PROSER2: variants seen among roughly 807,000 people sequenced by gnomAD.
The protein encoded by PROSER2 is proline and serine-rich protein 2.
A neutral mutation model predicts 14.6 loss-of-function variants in PROSER2; 18 were observed. That is an observed-to-expected ratio of 1.23 (90% CI 0.85 to 1.83). The LOEUF is 1.83. PROSER2 is among the 40% of genes most tolerant of loss of function. The pLI is 0.00. For missense variants in PROSER2, 823 were observed against 629.8 expected (o/e 1.31, Z -3.28); for synonymous variants, 367 against 286.4 (o/e 1.28, Z -2.84).
intron 2 of PROSER2, among the ~76,000 whole-genome samples, chr10:11,861,229 A>G (rs970528068): frequency 4.6e-5 from 7 of 152,102 alleles, no homozygotes; most frequent in Admixed American, 4.6e-4. Context: ...CAGTTCTTTC[A>G]GGTTATTGAC....
chr10:11,841,777 G>C (rs914347032), intron 1 of PROSER2, among the ~76,000 whole-genome samples: 1 of 152,180 alleles, frequency 6.6e-6, no homozygotes, highest in Non-Finnish European at 1.5e-5. Context: ...GCTGAGACTT[G>C]CTTTCTGACC....
At position 11,866,918 on chromosome 10, in the gene PROSER2, C is replaced by G; in HGVS notation, c.391+135C>G. On this transcript the variant is annotated intron_variant, in intron 3 of 3. Transcript: ENST00000277570. This position sits in a 1 kb window ranked among gnomAD's most constrained non-coding sequence, Gnocchi z 6.0. ...TACCAGATTTTTATAGGGGAAAATA[C>G]TCCTTGGCAGTTTCATCATCCAGCA... The G allele has an allele frequency of 2.8e-6, 3 of 1,059,000 alleles. No homozygotes were observed. Among genetic ancestry groups the G allele is most frequent in the Non-Finnish European group, 4.0e-6 (3 of 754,710 alleles). 65.6% of individuals were successfully genotyped at this position (1,059,000 alleles called of 1,614,324 possible). A position where few individuals can be genotyped will look rare whatever the true frequency, so the allele number is the denominator to read the frequency against.
At position 11,870,719 on chromosome 10, in the gene PROSER2, T is replaced by G. The variant is rs1347126945; in HGVS notation, c.*313T>G. ...GTTTCCGTGATGTGTAAATGCCATC[T>G]TTTGGGGGTTGGGAGGAGTAGGACT... is the stretch of plus-strand genomic sequence containing the variant. On this transcript the variant is annotated 3_prime_UTR_variant, in exon 4 of 4. Transcript: ENST00000277570. 3.3e-5 allele frequency: 9 copies of G among 276,324 alleles called. No individual in the cohort carries two copies. In the East Asian group the frequency reaches 6.4e-4, roughly 20 times the overall value. 17.1% of individuals were successfully genotyped at this position (276,324 alleles called of 1,614,324 possible). A position where few individuals can be genotyped will look rare whatever the true frequency, so the allele number is the denominator to read the frequency against.
Position 11,870,309 on chromosome 10 carries a change from C to G in PROSER2, c.1211C>G (p.Pro404Arg). ...DWRRADSLPR[P>R]QGITVQFAGR... Reference sequence around the variant, plus strand: ...CGCCGCGCAGACTCCCTGCCCCGGCCCCAGGGCATCACCGTGCAGTTCGCG... The same window carrying G: ...CGCCGCGCAGACTCCCTGCCCCGGCGCCAGGGCATCACCGTGCAGTTCGCG... Residue 404 changes from proline to arginine, a missense_variant, in exon 4 of 4, where the codon CCC (proline) becomes CGC (arginine). Physicochemically the swap from Pro to Arg is moderately radical, Grantham distance 103 (BLOSUM62 -2). Coordinates refer to ENST00000277570, the MANE Select transcript of PROSER2 (RefSeq NM_153256.4). 6.7e-7 allele frequency: 1 copy of G among 1,495,758 alleles called. No homozygotes were observed. The highest frequency in any genetic ancestry group is 8.9e-7 in the Non-Finnish European group (1 of 1,128,182). The allele number at this position is 1,495,758 out of a possible 1,614,324, so 92.7% of individuals were successfully genotyped here. A position where few individuals can be genotyped will look rare whatever the true frequency, so the allele number is the denominator to read the frequency against.
chr10:11,863,434 A>C (rs1056614950), intron 2 of PROSER2, among the ~76,000 whole-genome samples: 1 of 152,052 alleles, frequency 6.6e-6, no homozygotes, highest in African/African-American at 2.4e-5. Context: ...GCATCTCTGG[A>C]GGCTGAGGCA....
chr10:11,847,712 C>A (rs1833945169), intron 1 of PROSER2, among the ~76,000 whole-genome samples: 1 of 152,190 alleles, frequency 6.6e-6, no homozygotes, highest in Admixed American at 6.5e-5. Context: ...AGCCACCATG[C>A]CCAGCCCTTA....
chr10:11,849,687 AGTGAT>A (rs1833983356), intron 1 of PROSER2: 1 of 152,262 alleles, frequency 6.6e-6, no homozygotes, highest in Non-Finnish European at 1.5e-5. Context: ...GTAACAATTA[AGTGAT>A]GTTTCAAGAT....
chr10:11,840,280 A>G (rs1833818361), intron 1 of PROSER2, among the ~76,000 whole-genome samples: 1 of 147,970 alleles, frequency 6.8e-6, no homozygotes, highest in African/African-American at 2.5e-5. Context: ...AAAAAAAAAA[A>G]GAAAAACTCT....
chr10:11,867,973 A>AGTGTGTACAC (rs1432207812), intron 3 of PROSER2, among the ~76,000 whole-genome samples: 1 of 152,204 alleles, frequency 6.6e-6, no homozygotes. Flanking sequence ...CTAGAAATAA[A>AGTGTGTACAC]GTGTGTACAC....
intron 1 of PROSER2, among the ~76,000 whole-genome samples, chr10:11,842,706 T>G (rs950861565): frequency 6.6e-6 from 1 of 152,032 alleles, no homozygotes; most frequent in African/African-American, 2.4e-5. Context: ...ACTCGCTCTG[T>G]TTTTATTTAT....
At chr10:11,834,500 C>T (rs1395013587) in intron 1 of PROSER2, among the ~76,000 whole-genome samples, 9 of 151,624 alleles carry the variant, frequency 5.9e-5, no homozygotes, top group East Asian at 4.0e-4. Flanking sequence ...TTTGGGAGGC[C>T]GAGGCTGGTG....
intron 1 of PROSER2, among the ~76,000 whole-genome samples, chr10:11,827,066 T>G (rs1362749936): frequency 6.6e-6 from 1 of 151,820 alleles, no homozygotes; most frequent in Non-Finnish European, 1.5e-5. Flanking sequence ...TTGTGTTTTT[T>G]GTAGAGACTG....
At chr10:11,845,893 C>G (rs1377476194) in intron 1 of PROSER2, among the ~76,000 whole-genome samples, 1 of 152,234 alleles carries the variant, frequency 6.6e-6, no homozygotes, top group Non-Finnish European at 1.5e-5. Flanking sequence ...GACCCTCAGA[C>G]TGAAGCTATA....
rs2131039281 is a variant in PROSER2 at position 11,823,965 on chromosome 10, T to TCTGCC, written c.-82+497_-82+501dup. 6.6e-6 allele frequency among the ~76,000 whole-genome samples: 1 copy of TCTGCC among 151,604 alleles called. No homozygotes were observed. Among genetic ancestry groups the TCTGCC allele is most frequent in the South Asian group, 2.1e-4 (1 of 4,798 alleles). ...TGGAATCACGCGGGGATGTGCAGGGTCTGCCCAGCCCAGCGCGGCGGGAGG... is the reference window on the plus strand; with the variant it reads ...TGGAATCACGCGGGGATGTGCAGGGTCTGCCCTGCCCAGCCCAGCGCGGCGGGAGG... On this transcript the variant is annotated intron_variant, in intron 1 of 3. Coordinates refer to ENST00000277570, the MANE Select transcript of PROSER2 (RefSeq NM_153256.4). This position sits in a 1 kb window ranked among gnomAD's most constrained non-coding sequence, Gnocchi z 6.2.
chr10:11,824,928 C>T (rs1029058959), intron 1 of PROSER2, among the ~76,000 whole-genome samples: 8 of 152,172 alleles, frequency 5.3e-5, no homozygotes, highest in South Asian at 2.1e-4. Flanking sequence ...GGGGGAGTTG[C>T]CCATTAATTC....
intron 1 of PROSER2, among the ~76,000 whole-genome samples, chr10:11,827,529 C>A (rs183322123): frequency 6.6e-6 from 1 of 152,038 alleles, no homozygotes; most frequent in Non-Finnish European, 1.5e-5. Context: ...GTCTGACTTG[C>A]GCTTTGTCAT....
At chr10:11,825,774 C>T (rs117432791) in intron 1 of PROSER2, among the ~76,000 whole-genome samples, 13 of 152,182 alleles carry the variant, frequency 8.5e-5, no homozygotes, top group Non-Finnish European at 1.8e-4. Context: ...TCTGCCTTGT[C>T]GGACAGGGAT....
At chr10:11,864,591 T>C (rs1204785613) in intron 2 of PROSER2, among the ~76,000 whole-genome samples, 5 of 140,912 alleles carry the variant, frequency 3.5e-5, no homozygotes, top group Admixed American at 2.2e-4. Context: ...ATTTTTTTTT[T>C]CTTTTTTTTT....
chr10:11,843,944 AAGTC>A (rs1376343943), intron 1 of PROSER2, among the ~76,000 whole-genome samples: 3 of 151,652 alleles, frequency 2.0e-5, no homozygotes, highest in Non-Finnish European at 4.4e-5. Context: ...CTGTTTCAAG[AAGTC>A]AGTCTAATTA....
Sources: allele counts gnomAD v4.1 joint callset (sites outside exome capture counted in the v4.1 genomes callset), GRCh38; gene constraint gnomAD v4.1.1; non-coding constraint Gnocchi (gnomAD v3.1); transcripts MANE v1.5; gene names NCBI Gene and HGNC (gene_info 2026-07-23, HGNC 2026-07-21).